The following ACOXL variants were observed in gnomAD, a reference collection of about 807,000 sequenced individuals.
The protein encoded by ACOXL is acyl-CoA oxidase like, also known as acyl-coenzyme A oxidase-like protein.
ACOXL carries 70 observed loss-of-function variants against 71.9 expected under a neutral mutation model. That is an observed-to-expected ratio of 0.97 (90% CI 0.80 to 1.19). The LOEUF (loss-of-function observed/expected upper bound fraction) is 1.19, where lower values mean the gene tolerates loss of function less well. Ranked by LOEUF, ACOXL falls within the 50% of genes most tolerant of loss-of-function variation. The pLI, the probability that ACOXL is intolerant of heterozygous loss-of-function variation, is 0.00. For missense variants in ACOXL, 703 were observed against 736.3 expected, an observed-to-expected ratio of 0.95 and a Z score of 0.52; for synonymous variants, 253 against 281.6, an observed-to-expected ratio of 0.90 and a Z score of 1.02.
At chr2:110,958,049 C>CAAA (rs35899146) in intron 12 of ACOXL, among the ~76,000 whole-genome samples, 5 of 96,090 alleles carry the variant, frequency 5.2e-5, no homozygotes, top group East Asian at 2.6e-4. Context: ...GACTCCGTCT[C>CAAA]AAAAAAAAAA....
chr2:111,052,604 T>TAG (rs1262750246), intron 16 of ACOXL, among the ~76,000 whole-genome samples: 1 of 152,208 alleles, frequency 6.6e-6, no homozygotes, highest in Non-Finnish European at 1.5e-5. Flanking sequence ...ATTTGAACCA[T>TAG]AGAACAATAT....
intron 16 of ACOXL, 75 bp from the exon 17 acceptor site, chr2:111,092,790 T>C: frequency 3.0e-6 from 3 of 1,011,980 alleles, no homozygotes; most frequent in East Asian, 4.8e-5. Context: ...GTTATTTCTC[T>C]TTCGCCTCCT....
intron 17 of ACOXL, among the ~76,000 whole-genome samples, chr2:111,094,818 C>T (rs757564688): frequency 7.2e-5 from 11 of 152,190 alleles, no homozygotes; most frequent in Non-Finnish European, 1.0e-4. Context: ...TAAGGGTTCA[C>T]AAAGACTTCT....
At chr2:110,761,970 A>G (rs1001208644) in intron 1 of ACOXL, among the ~76,000 whole-genome samples, 10 of 151,998 alleles carry the variant, frequency 6.6e-5, no homozygotes, top group Admixed American at 3.9e-4. Context: ...TTGGCTCTAG[A>G]CTGCTACATC....
At chr2:111,071,764 A>G (rs1446662278) in intron 16 of ACOXL, among the ~76,000 whole-genome samples, 2 of 152,206 alleles carry the variant, frequency 1.3e-5, no homozygotes, top group Non-Finnish European at 2.9e-5. Flanking sequence ...CTTGTCATAA[A>G]TTGTAGGCAA....
At chr2:110,950,619 A>G (rs977066910) in intron 12 of ACOXL, among the ~76,000 whole-genome samples, 2 of 152,134 alleles carry the variant, frequency 1.3e-5, no homozygotes, top group Admixed American at 1.3e-4. Context: ...GTCCAGAAGG[A>G]TTCACCCCAT....
chr2:110,869,336 C>A (rs1483293246), intron 10 of ACOXL, among the ~76,000 whole-genome samples: 1 of 152,154 alleles, frequency 6.6e-6, no homozygotes, highest in African/African-American at 2.4e-5. Context: ...TGTATCAGAG[C>A]CACACACACT....
rs749709056 is a variant in ACOXL at position 110,798,997 on chromosome 2, C to T, written c.461-17C>T. On this transcript the variant is annotated splice_polypyrimidine_tract_variant and intron_variant, in intron 6 of 17. Coordinates refer to ENST00000439055, the MANE Select transcript of ACOXL (RefSeq NM_001142807.4). ...ATAGGAAGGAGAGCTTAATAATGAT[C>T]TCGATGCCTTCCTTAGGGCCCCACT... 7 of 1,612,226 alleles carry T rather than the reference C, an allele frequency of 4.3e-6. No individual in the cohort carries two copies. In the East Asian group the frequency reaches 1.3e-4, roughly 31 times the overall value.
rs2062269481 is a variant in ACOXL at position 110,972,833 on chromosome 2, G to A, written c.1060-14275G>A. ...GAATACCTGTGAAATGTTTACCAGG[G>A]AAGCTCAGCAGAGACTCCGTGTCCA... is the stretch of plus-strand genomic sequence containing the variant. On this transcript the variant is annotated intron_variant, in intron 12 of 17. Coordinates refer to ENST00000439055, the MANE Select transcript of ACOXL (RefSeq NM_001142807.4). Among the ~76,000 whole-genome samples the A allele has an allele frequency of 3.9e-5, 6 of 152,328 alleles. No homozygotes were observed. In the South Asian group the frequency reaches 1.2e-3, roughly 32 times the overall value.
intron 9 of ACOXL, among the ~76,000 whole-genome samples, chr2:110,806,712 G>A (rs777325632): frequency 1.3e-5 from 2 of 152,206 alleles, no homozygotes; most frequent in Non-Finnish European, 2.9e-5. Flanking sequence ...GCCCTCTGAG[G>A]AGAGTGCTGG....
intron 10 of ACOXL, among the ~76,000 whole-genome samples, chr2:110,867,943 A>G (rs556226143): frequency 6.6e-6 from 1 of 151,788 alleles, no homozygotes; most frequent in East Asian, 1.9e-4. Context: ...TTGTATTTTT[A>G]GTAGAGACAG....
At chr2:110,977,611 C>T (rs757212735) in intron 12 of ACOXL, among the ~76,000 whole-genome samples, 5 of 152,124 alleles carry the variant, frequency 3.3e-5, no homozygotes, top group Non-Finnish European at 7.3e-5. Context: ...TTGACCCATA[C>T]GCAAAGCTGG....
At chr2:110,880,344 A>T (rs879326104) in intron 10 of ACOXL, among the ~76,000 whole-genome samples, 6 of 152,174 alleles carry the variant, frequency 3.9e-5, no homozygotes, top group Non-Finnish European at 8.8e-5. Context: ...AATGCATTTA[A>T]TTCGAACTGT....
intron 2 of ACOXL, among the ~76,000 whole-genome samples, chr2:110,769,818 A>G (rs1681646071): frequency 6.6e-6 from 1 of 151,124 alleles, no homozygotes; most frequent in South Asian, 2.1e-4. Flanking sequence ...TGGGCAACAA[A>G]GCGAGACTCT....
In ACOXL at chr2:110,784,740, A is replaced by G. The variant is rs1472929028; in HGVS notation, c.84A>G (p.Lys28=). ...GTCTATCATATTTTCAGGCAGAGAA[A>G]ACAAAGAATTTTGTCAGCCGAAGCC... ...LKRAGQDLAE[K]TKNFVSRSLV... is the part of the protein sequence containing the mutation. Residue 28 remains lysine, a synonymous_variant, in exon 3 of 18, where the codon AAA becomes AAG. Transcript: ENST00000439055. 1.2e-6 allele frequency: 2 copies of G among 1,602,204 alleles called. No homozygotes were observed. The highest frequency in any genetic ancestry group is 1.7e-6 in the Non-Finnish European group (2 of 1,175,388).
chr2:110,868,217 C>T (rs1266921186), intron 10 of ACOXL, among the ~76,000 whole-genome samples: 1 of 152,182 alleles, frequency 6.6e-6, no homozygotes, highest in Non-Finnish European at 1.5e-5. Context: ...AAGTGAGAAC[C>T]ACACTATGAA....
rs770350425 is a variant in ACOXL, at chr2:110,908,910, G to A, written c.905+5G>A. The A allele has an allele frequency of 3.8e-5, 62 of 1,611,340 alleles. 2 individuals are homozygous for A. The Middle Eastern group carries it at 2.1e-3, about 56-fold the overall frequency. On this transcript the variant is annotated splice_donor_5th_base_variant and intron_variant, in intron 11 of 17. Transcript: ENST00000439055. ...GGCCCTGACCTTCGTCAGCAGGTGA[G>A]ATGGCTCTCAGGGTTTGCTCTCTTA...
chr2:110,958,408 C>G (rs760863133), intron 12 of ACOXL, among the ~76,000 whole-genome samples: 7 of 152,156 alleles, frequency 4.6e-5, no homozygotes, highest in Non-Finnish European at 7.4e-5. Flanking sequence ...CTGGAAGAAC[C>G]GCTATTGGTT....
chr2:110,819,853 G>C (rs1353932032), intron 9 of ACOXL, among the ~76,000 whole-genome samples: 1 of 152,162 alleles, frequency 6.6e-6, no homozygotes, highest in African/African-American at 2.4e-5. Flanking sequence ...GCTTTGGTTT[G>C]ATATAGGCCA....
Sources: gnomAD v4.1 joint callset for allele counts (sites outside exome capture counted in the v4.1 genomes callset) on GRCh38, gnomAD v4.1.1 for gene constraint, MANE v1.5 for transcripts, NCBI Gene and HGNC (gene_info 2026-07-23, HGNC 2026-07-21) for gene names.